Variants in DRC5 observed in about 807,000 individuals in gnomAD.
DRC5 encodes the protein dynein regulatory complex subunit 5.
chr6:44,288,440 A>G, the DRC5 span, among the ~76,000 whole-genome samples: 1 of 152,160 alleles, frequency 6.6e-6, no homozygotes, highest in Admixed American at 6.5e-5. Context: ...GTTTAAATTC[A>G]GTCTGTCAAA....
chr6:44,294,151 T>G, the DRC5 span, among the ~76,000 whole-genome samples: 10 of 152,130 alleles, frequency 6.6e-5, no homozygotes, highest in African/African-American at 1.7e-4. Flanking sequence ...GCTGGCTAAT[T>G]TTGTATTTTT....
chr6:44,281,685 G>A, the DRC5 span, among the ~76,000 whole-genome samples: 2 of 152,204 alleles, frequency 1.3e-5, no homozygotes, highest in African/African-American at 4.8e-5. Flanking sequence ...GTGCCTGGTC[G>A]TAAATTGCAT....
At chr6:44,297,422 AGT>A in the DRC5 span, among the ~76,000 whole-genome samples, 1 of 152,108 alleles carries the variant, frequency 6.6e-6, no homozygotes, top group East Asian at 1.9e-4. Flanking sequence ...GTTTGCAGAC[AGT>A]GACTGTGGTG....
At chr6:44,285,245 G>A in the DRC5 span, among the ~76,000 whole-genome samples, 25 of 152,166 alleles carry the variant, frequency 1.6e-4, no homozygotes, top group Admixed American at 9.2e-4. Context: ...TCTCTCATAA[G>A]AGTATCTCTT....
the DRC5 span, among the ~76,000 whole-genome samples, chr6:44,295,150 TA>T: frequency 1.3e-5 from 2 of 152,064 alleles, no homozygotes; most frequent in Non-Finnish European, 2.9e-5. Context: ...GTTTGAAGAC[TA>T]GGAGCATGTT....
the DRC5 span, chr6:44,287,952 T>A: frequency 8.9e-7 from 1 of 1,129,844 alleles, no homozygotes; most frequent in Non-Finnish European, 1.2e-6. Flanking sequence ...AGGTGTTACT[T>A]TGGTGGGTCT....
At chr6:44,297,156 G>A in the DRC5 span, among the ~76,000 whole-genome samples, 17 of 152,320 alleles carry the variant, frequency 1.1e-4, no homozygotes, top group African/African-American at 4.1e-4. Flanking sequence ...CCTACCTGGG[G>A]TGTAGAGGCG....
At chr6:44,293,564 C>T in the DRC5 span, among the ~76,000 whole-genome samples, 1 of 152,172 alleles carries the variant, frequency 6.6e-6, no homozygotes. Context: ...AATGACTGGC[C>T]CTAAAACACC....
the DRC5 span, chr6:44,282,224 C>T: frequency 1.5e-5 from 25 of 1,614,176 alleles, no homozygotes; most frequent in East Asian, 1.6e-4. Flanking sequence ...CGAGGTGCAG[C>T]GTGGTGAGGC....
At chr6:44,287,560 CT>C in the DRC5 span, 1 of 1,608,094 alleles carries the variant, frequency 6.2e-7, no homozygotes, top group African/African-American at 1.3e-5. Context: ...CTGGAAGTTC[CT>C]GATAATGTGC....
chr6:44,288,750 T>A, the DRC5 span, among the ~76,000 whole-genome samples: 1 of 152,204 alleles, frequency 6.6e-6, no homozygotes, highest in East Asian at 1.9e-4. Context: ...TCCCAGCACT[T>A]TGGGAGGCCA....
chr6:44,294,474 G>A, the DRC5 span, among the ~76,000 whole-genome samples: 22 of 152,152 alleles, frequency 1.4e-4, no homozygotes, highest in East Asian at 3.5e-3. Flanking sequence ...GCGGGATATG[G>A]TGGCTCATGC....
the DRC5 span, chr6:44,280,065 G>T: frequency 1.0e-6 from 1 of 952,912 alleles, no homozygotes. Flanking sequence ...ATCACTCCAA[G>T]GTTATTCACA....
chr6:44,287,969 G>T, the DRC5 span: 1 of 1,029,110 alleles, frequency 9.7e-7, no homozygotes, highest in Non-Finnish European at 1.4e-6. Context: ...GTCTTGGTGG[G>T]CATTTACTAA....
At chr6:44,287,349 G>C in the DRC5 span, 4 of 617,612 alleles carry the variant, frequency 6.5e-6, no homozygotes, top group Non-Finnish European at 8.1e-6. Context: ...GAGTCTGGTG[G>C]GACCTGCCAG....
At chr6:44,279,750 T>G in the DRC5 span, 1,564 of 12,868 alleles carry the variant, frequency 0.12, 30 homozygotes, top group Middle Eastern at 0.2. Context: ...AGCCAGAGGG[T>G]GTGTGTGTGT....
At chr6:44,282,411 C>G in the DRC5 span, 19 of 1,613,962 alleles carry the variant, frequency 1.2e-5, no homozygotes, top group Non-Finnish European at 1.6e-5. Context: ...GCGGCTGTGG[C>G]TCAGCAGCTT....
At chr6:44,297,306 G>A in the DRC5 span, among the ~76,000 whole-genome samples, 1 of 152,344 alleles carries the variant, frequency 6.6e-6, no homozygotes, top group African/African-American at 2.4e-5. Flanking sequence ...TAGGGCCCCA[G>A]GGCTTGGGAC....
the DRC5 span, chr6:44,287,905 A>C: frequency 1.3e-6 from 2 of 1,521,338 alleles, no homozygotes; most frequent in Admixed American, 2.1e-5. Context: ...CAGGTCCTTG[A>C]AACAGGTAGG....
Sources: allele counts gnomAD v4.1 joint callset (sites outside exome capture counted in the v4.1 genomes callset), GRCh38; gene constraint gnomAD v4.1.1; transcripts MANE v1.5; gene names NCBI Gene and HGNC (gene_info 2026-07-23, HGNC 2026-07-21).